The following NOTCH2NLA variants were observed in gnomAD, a reference collection of about 807,000 sequenced individuals.
The protein encoded by NOTCH2NLA is notch homolog 2 N-terminal-like protein A.
At position 146,228,815 on chromosome 1, in the gene NOTCH2NLA, G is replaced by GAC; in HGVS notation, c.-152_-151insGT. On this transcript the variant is annotated 5_prime_UTR_variant, in exon 1 of 5. An upstream open reading frame in the 5' UTR loses its in-frame stop. Coordinates refer to ENST00000362074, the Ensembl canonical transcript of NOTCH2NLA. ...TCGCCTCCTCCGCCGCCGCCGCCGC[G>GAC]GCCGCCTGGGCAGATCCACATGGGG... 1 of 1,523,856 alleles carries GAC rather than the reference G, an allele frequency of 6.6e-7. No individual in the cohort carries two copies. Among genetic ancestry groups the GAC allele is most frequent in the Non-Finnish European group, 8.7e-7 (1 of 1,143,244 alleles). 94.4% of individuals were successfully genotyped at this position (1,523,856 alleles called of 1,614,324 possible).
chr1:146,185,532 G>GA (rs1294134981), intron 2 of NOTCH2NLA, among the ~76,000 whole-genome samples: 1 of 136,538 alleles, frequency 7.3e-6, no homozygotes, highest in Non-Finnish European at 1.7e-5. Flanking sequence ...CTAACACTGA[G>GA]AAAAAACAGT....
intron 2 of NOTCH2NLA, among the ~76,000 whole-genome samples, chr1:146,170,862 A>G (rs2691755): frequency 2.3e-5 from 3 of 131,096 alleles, no homozygotes; most frequent in South Asian, 2.3e-4. Flanking sequence ...ATGGTTTGGC[A>G]TATTCCTCAG....
At chr1:146,159,975 A>T (rs1184504659) in intron 3 of NOTCH2NLA, among the ~76,000 whole-genome samples, 11 of 138,284 alleles carry the variant, frequency 8.0e-5, no homozygotes, top group African/African-American at 2.8e-4. Flanking sequence ...TCAAAAAAAA[A>T]AAAAAAAAAA....
rs1270403860 is a variant in NOTCH2NLA at position 146,185,790 on chromosome 1, A to T, written c.38+3510T>A. On this transcript the variant is annotated intron_variant, in intron 2 of 4. Coordinates refer to ENST00000362074, the Ensembl canonical transcript of NOTCH2NLA. ...AATTTGGCTTCAACTTTCTTTTCTT[A>T]ATCCACTAAGCAATCGCATGAATAA... Among the ~76,000 whole-genome samples the T allele has an allele frequency of 1.5e-5, 2 of 133,944 alleles. 1 individual carries two copies. The highest frequency in any genetic ancestry group is 5.0e-5 in the African/African-American group (2 of 39,900). 87.9% of individuals were successfully genotyped at this position (133,944 alleles called of 152,430 possible).
intron 2 of NOTCH2NLA, among the ~76,000 whole-genome samples, chr1:146,185,273 T>A (rs1553810062): frequency 7.3e-6 from 1 of 136,420 alleles, no homozygotes; most frequent in Non-Finnish European, 1.7e-5. Context: ...GGATTTAGAA[T>A]GGTTTATATT....
intron 2 of NOTCH2NLA, among the ~76,000 whole-genome samples, chr1:146,182,961 GA>G (rs1471819507): frequency 1.0e-5 from 1 of 97,678 alleles, no homozygotes; most frequent in Non-Finnish European, 2.4e-5. Flanking sequence ...TAAGGCAAAA[GA>G]AAAAATCAGT....
rs67156633 is a variant in NOTCH2NLA at position 146,195,043 on chromosome 1, A to ACCC, written c.-44-5665_-44-5663dup. 5.9e-5 allele frequency among the ~76,000 whole-genome samples: 6 copies of ACCC among 102,250 alleles called. No homozygotes were observed. In the South Asian group the frequency reaches 1.0e-3, roughly 18 times the overall value. The allele number at this position is 102,250 out of a possible 152,430, so 67.1% of individuals were successfully genotyped here. Reference sequence around the variant, plus strand: ...GGAGGGTTCTGGTCCTCACAGGGCCACCCCCCCCCATCCTTGTAACACTCA... The same window carrying ACCC: ...GGAGGGTTCTGGTCCTCACAGGGCCACCCCCCCCCCCCATCCTTGTAACACTCA... On this transcript the variant is annotated intron_variant, in intron 1 of 4. Transcript: ENST00000362074.
intron 2 of NOTCH2NLA, among the ~76,000 whole-genome samples, chr1:146,174,542 T>A (rs1467066582): frequency 6.8e-6 from 1 of 146,666 alleles, no homozygotes; most frequent in African/African-American, 2.5e-5. Context: ...AAGTCATGAT[T>A]TTTAAAAAAA....
chr1:146,171,385 C>G (rs1289845117), intron 2 of NOTCH2NLA, among the ~76,000 whole-genome samples: 2 of 141,142 alleles, frequency 1.4e-5, no homozygotes, highest in African/African-American at 4.9e-5. Context: ...GAGCCAAGAT[C>G]GCGCCACTGC....
chr1:146,173,131 CAGG>C (rs1167103124), intron 2 of NOTCH2NLA, among the ~76,000 whole-genome samples: 43 of 146,710 alleles, frequency 2.9e-4, no homozygotes, highest in African/African-American at 1.1e-3. Flanking sequence ...TTTCCTAAGG[CAGG>C]AGATCTTTCA....
chr1:146,161,918 C>T lies in NOTCH2NLA; in HGVS notation c.298+2833G>A, dbSNP rs587700508. On this transcript the variant is annotated intron_variant, in intron 3 of 4. Coordinates refer to ENST00000362074, the Ensembl canonical transcript of NOTCH2NLA. ...GGCAACTACAACAGCCCAATCCAGG[C>T]GGGACTACAAATGGTTTGGGCCTCT... Among the ~76,000 whole-genome samples the T allele has an allele frequency of 8.2e-5, 8 of 97,032 alleles. 3 individuals carry two copies. The East Asian group carries it at 1.4e-3, about 17-fold the overall frequency. 63.7% of individuals were successfully genotyped at this position (97,032 alleles called of 152,430 possible).
chr1:146,171,312 TC>T (rs1395784402), intron 2 of NOTCH2NLA, among the ~76,000 whole-genome samples: 1 of 136,228 alleles, frequency 7.3e-6, no homozygotes, highest in African/African-American at 2.5e-5. Flanking sequence ...GCGCCTGTAG[TC>T]CCAGCTACTC....
downstream of NOTCH2NLA, chr1:146,154,003 CCATA>C (rs1292497363): frequency 7.2e-4 from 53 of 73,430 alleles, 4 homozygotes; most frequent in South Asian, 0.02. Flanking sequence ...CTGCACAACG[CCATA>C]CACACACACA....
At chr1:146,182,907 A>AC (rs1662610807) in intron 2 of NOTCH2NLA, among the ~76,000 whole-genome samples, 2 of 91,064 alleles carry the variant, frequency 2.2e-5, no homozygotes, top group African/African-American at 7.0e-5. Context: ...ATCTTCCAGG[A>AC]CCCTTACTCC....
chr1:146,180,805 AT>A (rs1553809126), intron 2 of NOTCH2NLA, among the ~76,000 whole-genome samples: 1 of 129,624 alleles, frequency 7.7e-6, no homozygotes, highest in African/African-American at 2.6e-5. Context: ...AGCTTAATAA[AT>A]TTTAAAGTGC....
chr1:146,171,403 C>G (rs1661973465), intron 2 of NOTCH2NLA, among the ~76,000 whole-genome samples: 1 of 141,412 alleles, frequency 7.1e-6, no homozygotes, highest in Non-Finnish European at 1.6e-5. Context: ...TGCACTCCAG[C>G]CTGGGCAACA....
At chr1:146,186,765 C>A (rs1662786740) in intron 2 of NOTCH2NLA, among the ~76,000 whole-genome samples, 1 of 131,794 alleles carries the variant, frequency 7.6e-6, no homozygotes, top group South Asian at 2.5e-4. Context: ...ATTTGAAATT[C>A]TCCATATATA....
intron 1 of NOTCH2NLA, 128 bp downstream of exon 1, chr1:146,228,581 G>A (rs1553820374): frequency 7.3e-7 from 1 of 1,364,038 alleles, no homozygotes; most frequent in South Asian, 1.4e-5. Flanking sequence ...GGAACCCAGC[G>A]AGTGGCCTCG....
At chr1:146,159,421 A>AAGAAAGAAAGAAAGAAAGAAAGAAAG (rs1661362731) in intron 3 of NOTCH2NLA, among the ~76,000 whole-genome samples, 4 of 150,250 alleles carry the variant, frequency 2.7e-5, no homozygotes, top group South Asian at 2.1e-4. Flanking sequence ...GAAAGAAAGA[A>AAGAAAGAAAGAAAGAAAGAAAGAAAG]AGAAAGAAAG....
Sources: gnomAD v4.1 joint callset for allele counts (sites outside exome capture counted in the v4.1 genomes callset) on GRCh38, gnomAD v4.1.1 for gene constraint, MANE v1.5 for transcripts, NCBI Gene and HGNC (gene_info 2026-07-23, HGNC 2026-07-21) for gene names.